NTRK3: variants seen among roughly 807,000 people sequenced by gnomAD.
NTRK3 encodes NT-3 growth factor receptor.
NTRK3 carries 24 observed loss-of-function variants against 91.7 expected under a neutral mutation model. The ratio of observed to expected loss-of-function variants is 0.26; its 90% CI spans 0.19 to 0.37. NTRK3 has a LOEUF of 0.37. Ranked by LOEUF, NTRK3 falls within the 10% of genes least tolerant of loss-of-function variation. NTRK3 has a pLI of 1.00. For synonymous variants in NTRK3, 483 were observed against 404.0 expected (o/e 1.20, Z -2.34); for missense variants, 880 against 1,068.9 (o/e 0.82, Z 2.46).
intron 5 of NTRK3, among the ~76,000 whole-genome samples, chr15:88,163,898 G>A (rs190055176): frequency 8.5e-5 from 13 of 152,258 alleles, no homozygotes; most frequent in Non-Finnish European, 1.9e-4. Flanking sequence ...ACTATATGCC[G>A]TGCATCTAGG....
At chr15:88,155,543 T>C (rs530422807) in intron 5 of NTRK3, among the ~76,000 whole-genome samples, 1 of 152,194 alleles carries the variant, frequency 6.6e-6, no homozygotes, top group African/African-American at 2.4e-5. Flanking sequence ...GAGCAACTAA[T>C]AGGGCCACTT....
At chr15:88,047,727 G>T (rs2080364527) in intron 13 of NTRK3, among the ~76,000 whole-genome samples, 1 of 152,110 alleles carries the variant, frequency 6.6e-6, no homozygotes, top group Admixed American at 6.5e-5. Flanking sequence ...TAAAAGGAGG[G>T]CGACCACACA....
intron 3 of NTRK3, among the ~76,000 whole-genome samples, chr15:88,213,563 G>T (rs2049455056): frequency 2.6e-5 from 4 of 152,188 alleles, no homozygotes; most frequent in Admixed American, 2.6e-4. Flanking sequence ...AGAGCTCTGT[G>T]GTTCAGAAGC....
chr15:88,043,295 C>A (rs772102115), intron 13 of NTRK3, among the ~76,000 whole-genome samples: 21 of 152,170 alleles, frequency 1.4e-4, no homozygotes, highest in Non-Finnish European at 2.2e-4. Context: ...TATAAGGTGA[C>A]TGGAATACAA....
At chr15:87,898,738 C>A (rs572621176) in intron 17 of NTRK3, among the ~76,000 whole-genome samples, 1 of 149,716 alleles carries the variant, frequency 6.7e-6, no homozygotes, top group South Asian at 2.1e-4. Flanking sequence ...GTAATCCCAG[C>A]ACTTCAGGAG....
At position 88,105,501 on chromosome 15, in the gene NTRK3, G is replaced by A. The variant is rs548259422; in HGVS notation, c.1396+20770C>T. Among the ~76,000 whole-genome samples, 42 of 152,322 alleles carry A rather than the reference G, an allele frequency of 2.8e-4. 1 individual carries two copies. In the South Asian group the frequency reaches 3.5e-3, roughly 13 times the overall value. ...AAGGCCACACAGCCATGCAGTCCCAGAGGCAGGAGAAGAACTGCATCTCCC... is the reference window on the plus strand; with the variant it reads ...AAGGCCACACAGCCATGCAGTCCCAAAGGCAGGAGAAGAACTGCATCTCCC... On this transcript the variant is annotated intron_variant, in intron 13 of 18. Transcript: ENST00000394480.
At chr15:88,055,347 T>C (rs572853371) in intron 13 of NTRK3, among the ~76,000 whole-genome samples, 8 of 152,212 alleles carry the variant, frequency 5.3e-5, no homozygotes, top group Non-Finnish European at 1.0e-4. Flanking sequence ...TGGTGAATCA[T>C]TGGCAGTTCT....
At chr15:88,089,190 C>G (rs568665159) in intron 13 of NTRK3, among the ~76,000 whole-genome samples, 4 of 152,274 alleles carry the variant, frequency 2.6e-5, no homozygotes, top group African/African-American at 9.6e-5. Flanking sequence ...AACCGACATG[C>G]CTGCATTCAA....
chr15:87,914,831 A>T (rs1214287225), intron 17 of NTRK3, among the ~76,000 whole-genome samples: 1 of 152,194 alleles, frequency 6.6e-6, no homozygotes, highest in Non-Finnish European at 1.5e-5. Flanking sequence ...GGCAACCAAG[A>T]TTGTCGTGAT....
intron 13 of NTRK3, 51 bp downstream of exon 13, chr15:88,126,220 G>C (rs373992086): frequency 7.7e-7 from 1 of 1,296,964 alleles, no homozygotes; most frequent in Non-Finnish European, 1.1e-6. Context: ...TTGATCAAAA[G>C]CAGTAATGTT....
chr15:87,878,046 T>C (rs1173950008), intron 18 of NTRK3, among the ~76,000 whole-genome samples: 1 of 152,186 alleles, frequency 6.6e-6, no homozygotes, highest in Non-Finnish European at 1.5e-5. Flanking sequence ...AATTCTTTAC[T>C]GACACTGAAT....
chr15:88,218,995 C>T (rs1433405514), intron 3 of NTRK3, among the ~76,000 whole-genome samples: 1 of 152,230 alleles, frequency 6.6e-6, no homozygotes, highest in Non-Finnish European at 1.5e-5. Flanking sequence ...CACAACACAG[C>T]CTGGATGACA....
chr15:87,932,309 C>T (rs538428059), intron 16 of NTRK3, among the ~76,000 whole-genome samples: 27 of 152,336 alleles, frequency 1.8e-4, no homozygotes, highest in Admixed American at 4.6e-4. Flanking sequence ...AACATTTATA[C>T]TGTGCTTCCC....
At chr15:87,877,257 C>T (rs1316523400) in intron 18 of NTRK3, 137 bp from the exon 20 acceptor site, 15 of 900,308 alleles carry the variant, frequency 1.7e-5, no homozygotes, top group Non-Finnish European at 2.1e-5. Flanking sequence ...AAGCTAAAGG[C>T]TAGGCTGTAT....
At chr15:88,165,069 T>C (rs1597705568) in intron 5 of NTRK3, among the ~76,000 whole-genome samples, 1 of 152,160 alleles carries the variant, frequency 6.6e-6, no homozygotes, top group Non-Finnish European at 1.5e-5. Flanking sequence ...AGCTGAGGAT[T>C]GAATATGAAC....
chr15:87,874,263 GCTACC>G, exon 19 of NTRK3: 1 of 87,942 alleles, frequency 1.1e-5, no homozygotes. Flanking sequence ...ATCTTCCCTC[GCTACC>G]CTTCCCTGCT....
rs187991305 is a variant in NTRK3, at chr15:88,138,363, T to C, written c.465-802A>G. ...AGGCAGAGCTTGCAGTGAGCCGAGA[T>C]TGCACCACTGCACTCCAGCCTGGGC... On this transcript the variant is annotated intron_variant, in intron 6 of 18. Transcript: ENST00000394480. Among the ~76,000 whole-genome samples, 734 of 152,130 alleles carry C rather than the reference T, an allele frequency of 4.8e-3. 3 individuals are homozygous for C. The highest frequency in any genetic ancestry group is 6.9e-3 in the Admixed American group (105 of 15,286).
At chr15:87,891,952 T>C (rs2065874601) in intron 17 of NTRK3, among the ~76,000 whole-genome samples, 1 of 152,146 alleles carries the variant, frequency 6.6e-6, no homozygotes, top group African/African-American at 2.4e-5. Flanking sequence ...ATGAAGTCTA[T>C]CCAGCGTGTA....
chr15:88,176,307 T>C (rs2045991482), intron 5 of NTRK3, among the ~76,000 whole-genome samples: 1 of 152,176 alleles, frequency 6.6e-6, no homozygotes, highest in African/African-American at 2.4e-5. Flanking sequence ...CAGCTAATTT[T>C]TGTATTTTTA....
Sources: gnomAD v4.1 joint callset for allele counts (sites outside exome capture counted in the v4.1 genomes callset) on GRCh38, gnomAD v4.1.1 for gene constraint, MANE v1.5 for transcripts, NCBI Gene and HGNC (gene_info 2026-07-23, HGNC 2026-07-21) for gene names.